The following ACACB variants were observed in gnomAD, a reference collection of about 807,000 sequenced individuals.
ACACB encodes acetyl-CoA carboxylase beta, also known as acetyl-CoA carboxylase 2.
In ACACB, 209 loss-of-function variants were observed where a neutral mutation model predicts 278.8. The observed-to-expected ratio is 0.75, with a 90% CI of 0.67 to 0.84. ACACB has a LOEUF of 0.84. Among genes scored for constraint, ACACB ranks in the 40% least tolerant of loss-of-function variants. ACACB has a pLI of 0.00. For missense variants in ACACB, 2,850 were observed against 3,269.0 expected, an observed-to-expected ratio of 0.87 and a Z score of 3.13; for synonymous variants, 1,174 against 1,285.6, an observed-to-expected ratio of 0.91 and a Z score of 1.86.
Position 109,216,683 on chromosome 12 carries a change from G to T in ACACB, c.3416G>T (p.Arg1139Leu). ...TTGGATCTCCTGAGAAGATACTTGCGTGTTGAGCACCATTTTCAGCAAGGC... is the reference window on the plus strand; with the variant it reads ...TTGGATCTCCTGAGAAGATACTTGCTTGTTGAGCACCATTTTCAGCAAGGC... Reference protein sequence around the residue: ...VVLDLLRRYLRVEHHFQQAHY... With the variant: ...VVLDLLRRYLLVEHHFQQAHY... Residue 1139 changes from arginine to leucine, a missense_variant, in exon 23 of 53, where the codon CGT (arginine) becomes CTT (leucine). Around this residue, in one of 3 missense-constraint regions of ACACB, gnomAD observed 2,265 missense variants for 2,561.3 expected, o/e 0.88. Coordinates refer to ENST00000338432, the MANE Select transcript of ACACB (RefSeq NM_001093.4). 5 of 1,614,162 alleles carry T rather than the reference G, an allele frequency of 3.1e-6. No individual in the cohort carries two copies. The highest frequency in any genetic ancestry group is 4.2e-6 in the Non-Finnish European group (5 of 1,180,042).
intron 1 of ACACB, among the ~76,000 whole-genome samples, chr12:109,137,994 T>C (rs558126161): frequency 1.3e-5 from 2 of 151,774 alleles, no homozygotes; most frequent in Non-Finnish European, 2.9e-5. Context: ...CACCTCCAGG[T>C]TCAAGTGATT....
At chr12:109,160,906 CA>C (rs2043702693) in intron 2 of ACACB, among the ~76,000 whole-genome samples, 1 of 152,106 alleles carries the variant, frequency 6.6e-6, no homozygotes, top group African/African-American at 2.4e-5. Context: ...CCCCCTAGGC[CA>C]CAAATGAAGT....
chr12:109,209,123 C>G, intron 20 of ACACB, 42 bp from the exon 21 acceptor site: 1 of 1,542,510 alleles, frequency 6.5e-7, no homozygotes, highest in South Asian at 1.2e-5. Flanking sequence ...GGTGCCCATG[C>G]CCATGCAGGG....
chr12:109,210,231 A>ATATACACACATATCTG, intron 21 of ACACB, among the ~76,000 whole-genome samples: 1 of 7,036 alleles, frequency 1.4e-4, no homozygotes, highest in African/African-American at 6.6e-4. Context: ...ATGTGTGTAT[A>ATATACACACATATCTG]TGTATATATG....
chr12:109,196,811 G>A (rs940381902), intron 16 of ACACB, among the ~76,000 whole-genome samples, 197 bp from the exon 17 acceptor site: 3 of 152,122 alleles, frequency 2.0e-5, no homozygotes, highest in East Asian at 1.9e-4. Context: ...GGTGTGGCTC[G>A]CTACTCCAGG....
intron 2 of ACACB, among the ~76,000 whole-genome samples, chr12:109,163,684 C>G (rs144735008): frequency 6.6e-6 from 1 of 152,258 alleles, no homozygotes; most frequent in East Asian, 1.9e-4. Context: ...GAGTCTCACT[C>G]TATTGCCCAG....
At chr12:109,176,091 G>A (rs372568218) in intron 8 of ACACB, 51 bp downstream of exon 8, 3 of 1,610,070 alleles carry the variant, frequency 1.9e-6, no homozygotes, top group African/African-American at 2.7e-5. Context: ...AACTGCCTCT[G>A]TCCTGGTAGC....
intron 3 of ACACB, 70 bp from the exon 4 acceptor site, chr12:109,167,826 T>A: frequency 6.2e-7 from 1 of 1,609,744 alleles, no homozygotes; most frequent in South Asian, 1.1e-5. Context: ...TGAGGTGGAC[T>A]CGGGGTAGCA....
intron 1 of ACACB, among the ~76,000 whole-genome samples, chr12:109,137,897 T>A (rs2043007048): frequency 7.7e-6 from 1 of 130,150 alleles, no homozygotes; most frequent in African/African-American, 2.7e-5. Flanking sequence ...TCTTTTCTTT[T>A]TCTTTTTTTT....
intron 31 of ACACB, 73 bp from the exon 32 acceptor site, chr12:109,235,240 G>A (rs1421110408): frequency 2.4e-6 from 3 of 1,272,248 alleles, no homozygotes; most frequent in Non-Finnish European, 2.3e-6. Context: ...CATCCGTGTG[G>A]TAACATGCAG....
At chr12:109,152,640 C>CTTTCTT (rs1292930727) in intron 2 of ACACB, among the ~76,000 whole-genome samples, 68 of 74,864 alleles carry the variant, frequency 9.1e-4, no homozygotes, top group East Asian at 2.2e-3. Context: ...TTCTTTCTTT[C>CTTTCTT]TTTTTTTTTT....
intron 2 of ACACB, among the ~76,000 whole-genome samples, chr12:109,140,563 G>A (rs1021044657): frequency 8.5e-5 from 13 of 152,216 alleles, no homozygotes; most frequent in East Asian, 3.9e-4. Context: ...AGGCTGAGGC[G>A]GGAGAATCTC....
Position 109,239,851 on chromosome 12 carries a change from C to A in ACACB, c.4684C>A (p.Gln1562Lys), listed in dbSNP as rs148713212. The change falls in exon 35 of 53, where the codon CAG becomes AAG. Residue 1562 changes from glutamine to lysine, a missense_variant. Physicochemically the swap from Gln to Lys is moderately conservative, Grantham distance 53. Transcript: ENST00000338432. ...GCAGGAAGCCTCCTTCGAATACCTG[C>A]AGAACGAGGGTGAGCGGCTGCTCCT... ...ITKEASFEYLQNEGERLLLEA... is the reference protein window; with the variant it reads ...ITKEASFEYLKNEGERLLLEA... 3.1e-6 allele frequency: 5 copies of A among 1,613,546 alleles called. No homozygotes were observed. Among genetic ancestry groups the A allele is most frequent in the Non-Finnish European group, 2.5e-6 (3 of 1,179,710 alleles).
intron 44 of ACACB, 65 bp downstream of exon 44, chr12:109,254,399 G>A (rs2047172816): frequency 2.1e-5 from 31 of 1,479,418 alleles, no homozygotes; most frequent in Non-Finnish European, 2.7e-5. Context: ...TGAGACAAAG[G>A]AGCACTTTGT....
intron 9 of ACACB, among the ~76,000 whole-genome samples, chr12:109,178,201 C>G (rs1194491520): frequency 6.6e-6 from 1 of 152,138 alleles, no homozygotes; most frequent in Non-Finnish European, 1.5e-5. Context: ...ATGACTTCAT[C>G]CTATACATTA....
At chr12:109,116,177 G>A (rs143408102), upstream of ACACB, among the ~76,000 whole-genome samples, 2,298 of 152,286 alleles carry the variant, frequency 0.015, 21 homozygotes, top group Non-Finnish European at 0.021. Flanking sequence ...GATTTGAGAG[G>A]GTTTCGCCAA....
At position 109,241,295 on chromosome 12, in the gene ACACB, G is replaced by A. The variant is rs369686064; in HGVS notation, c.5022+14G>A. ...AGATCTGGAAATGTAAGGCTGGCCC[G>A]CGCCGTGGGGGTCTAAGTCAAAGCA... On this transcript the variant is annotated intron_variant, in intron 36 of 52. Transcript: ENST00000338432. The A allele has an allele frequency of 2.2e-5, 36 of 1,612,654 alleles. No individual in the cohort carries two copies. The highest frequency in any genetic ancestry group is 6.7e-5 in the East Asian group (3 of 44,886).
At chr12:109,202,422 C>T (rs1295778728) in intron 19 of ACACB, among the ~76,000 whole-genome samples, 1 of 152,084 alleles carries the variant, frequency 6.6e-6, no homozygotes, top group African/African-American at 2.4e-5. Flanking sequence ...TCAAGTGATT[C>T]TTCTGCCTCA....
At chr12:109,133,118 A>G (rs2042872490) in intron 1 of ACACB, among the ~76,000 whole-genome samples, 1 of 152,246 alleles carries the variant, frequency 6.6e-6, no homozygotes, top group Non-Finnish European at 1.5e-5. Flanking sequence ...AAGAACTTAT[A>G]TCATGTAAAA....
Sources: gnomAD v4.1 joint callset for allele counts (sites outside exome capture counted in the v4.1 genomes callset) on GRCh38, gnomAD v4.1.1 for gene constraint, gnomAD v4.1.1 regional missense constraint, MANE v1.5 for transcripts, NCBI Gene and HGNC (gene_info 2026-07-23, HGNC 2026-07-21) for gene names.